KCNK12: variants seen among roughly 807,000 people sequenced by gnomAD.
KCNK12 encodes potassium channel subfamily K member 12.
Under a neutral mutation model 25.3 loss-of-function variants are expected in KCNK12, and 6 were observed. The ratio of observed to expected loss-of-function variants is 0.24; its 90% CI spans 0.13 to 0.47. The LOEUF (loss-of-function observed/expected upper bound fraction) is 0.47. KCNK12 is among the 20% of genes least tolerant of loss of function. KCNK12 has a pLI of 0.99. For synonymous variants in KCNK12, 331 were observed against 311.1 expected, an observed-to-expected ratio of 1.06 and a Z score of -0.67; for missense variants, 444 against 661.7, an observed-to-expected ratio of 0.67 and a Z score of 3.61.
intron 1 of KCNK12, among the ~76,000 whole-genome samples, chr2:47,537,753 TA>T (rs1669107880): frequency 6.6e-6 from 1 of 152,192 alleles, no homozygotes; most frequent in Non-Finnish European, 1.5e-5. Context: ...GTTAAGTTTA[TA>T]AATAAAAATG....
rs961800095 is a variant in KCNK12 at position 47,538,119 on chromosome 2, G to A, written c.392-16311C>T. On this transcript the variant is annotated intron_variant, in intron 1 of 1. Transcript: ENST00000327876. This position sits in a 1 kb window ranked among gnomAD's most constrained non-coding sequence, Gnocchi z 4.5. Reference sequence around the variant, plus strand: ...TTCATTCAACAAACATTTATTGAGGGCCTACTGTGGCCAGGAACTGTGCTA... The same window carrying A: ...TTCATTCAACAAACATTTATTGAGGACCTACTGTGGCCAGGAACTGTGCTA... 1.3e-5 allele frequency among the ~76,000 whole-genome samples: 2 copies of A among 152,162 alleles called. No homozygotes were observed. Among genetic ancestry groups the A allele is most frequent in the African/African-American group, 4.8e-5 (2 of 41,438 alleles).
At chr2:47,543,478 T>G (rs1338901375) in intron 1 of KCNK12, 4 of 152,074 alleles carry the variant, frequency 2.6e-5, no homozygotes, top group African/African-American at 9.7e-5. Context: ...GTCATAGAGG[T>G]AATGTCAGAA....
Position 47,557,634 on chromosome 2 carries a change from C to T in KCNK12, c.391+12307G>A, listed in dbSNP as rs771556354. On this transcript the variant is annotated intron_variant, in intron 1 of 1. Coordinates refer to ENST00000327876, the MANE Select transcript of KCNK12 (RefSeq NM_022055.2). This position sits in a 1 kb window ranked among gnomAD's most constrained non-coding sequence, Gnocchi z 4.9. ...GATACATGAATAATGCATACCTGCC[C>T]GGCTGAACAATGCACATCAAGGAGC... Among the ~76,000 whole-genome samples the T allele has an allele frequency of 5.3e-5, 8 of 152,076 alleles. No individual in the cohort carries two copies. The highest frequency in any genetic ancestry group is 7.4e-5 in the Non-Finnish European group (5 of 68,024).
chr2:47,570,480 TC>T lies in KCNK12; in HGVS notation c.-150del. The T allele has an allele frequency of 1.2e-6, 1 of 819,692 alleles. No individual in the cohort carries two copies. Among genetic ancestry groups the T allele is most frequent in the Non-Finnish European group, 1.6e-6 (1 of 626,968 alleles). 50.8% of individuals were successfully genotyped at this position (819,692 alleles called of 1,614,324 possible). ...GCCTTCGCAGAGCCCCTCGTCGCCT[TC>T]CCAGAGCCCGGACAGAGGGGCGCCT... On this transcript the variant is annotated 5_prime_UTR_variant, in exon 1 of 2. Coordinates refer to ENST00000327876, the MANE Select transcript of KCNK12 (RefSeq NM_022055.2).
intron 1 of KCNK12, among the ~76,000 whole-genome samples, chr2:47,539,700 G>C (rs1669151894): frequency 6.6e-6 from 1 of 152,194 alleles, no homozygotes; most frequent in Non-Finnish European, 1.5e-5. Context: ...AGGAAAGAAG[G>C]GGGCACCGCT....
chr2:47,538,961 AATTT>A lies in KCNK12; in HGVS notation c.392-17157_392-17154del, dbSNP rs745960462. On this transcript the variant is annotated intron_variant, in intron 1 of 1. Coordinates refer to ENST00000327876, the MANE Select transcript of KCNK12 (RefSeq NM_022055.2). The surrounding 1 kb of genome is among the most constrained non-coding windows in gnomAD (Gnocchi z 4.5). ...ATTTCAAGCAACAGCAGATATGCTG[AATTT>A]ATTTGATAACTGTCTTCTTTTTCTC... 2.6e-5 allele frequency among the ~76,000 whole-genome samples: 4 copies of A among 152,362 alleles called. No individual in the cohort carries two copies. The highest frequency in any genetic ancestry group is 4.1e-4 in the South Asian group (2 of 4,828).
rs928753587 is a variant in KCNK12 at position 47,514,754 on chromosome 2, G to C, written c.*6153C>G. Among the ~76,000 whole-genome samples, 1 of 152,042 alleles carries C rather than the reference G, an allele frequency of 6.6e-6. No homozygotes were observed. Among genetic ancestry groups the C allele is most frequent in the Non-Finnish European group, 1.5e-5 (1 of 68,006 alleles). ...GCCCCCTGAGTCTCTTGGACTCCAG[G>C]CGTGCACCACCATGACTGGCTAATT... On this transcript the variant is annotated 3_prime_UTR_variant, in exon 2 of 2. Transcript: ENST00000327876. The surrounding 1 kb of genome is among the most constrained non-coding windows in gnomAD (Gnocchi z 5.0).
At chr2:47,563,881 G>A (rs1271745158) in intron 1 of KCNK12, 11 of 232,510 alleles carry the variant, frequency 4.7e-5, no homozygotes, top group Admixed American at 2.3e-4. Flanking sequence ...TCAAGACTGA[G>A]TGGAAATATG....
rs1572615618 is a variant in KCNK12 at position 47,569,502 on chromosome 2, G to A, written c.391+439C>T. On this transcript the variant is annotated intron_variant, in intron 1 of 1. Coordinates refer to ENST00000327876, the MANE Select transcript of KCNK12 (RefSeq NM_022055.2). The surrounding 1 kb of genome is among the most constrained non-coding windows in gnomAD (Gnocchi z 4.1). ...CACTGAGGGAGAAAACAGGGTAAAA[G>A]AAGAAAGCGGGGGAGACTATGAAAA... Among the ~76,000 whole-genome samples the A allele has an allele frequency of 6.6e-6, 1 of 151,648 alleles. No homozygotes were observed. The highest frequency in any genetic ancestry group is 2.4e-5 in the African/African-American group (1 of 41,408).
rs985860702 is a variant in KCNK12 at position 47,519,253 on chromosome 2, A to G, written c.*1654T>C. ...GCCATGAACTAGAAGGGGAAAGAAG[A>G]GTTTGACATTCAAGTTTGACTCTAA... On this transcript the variant is annotated 3_prime_UTR_variant, in exon 2 of 2. Coordinates refer to ENST00000327876, the MANE Select transcript of KCNK12 (RefSeq NM_022055.2). 1.4e-4 allele frequency: 21 copies of G among 152,226 alleles called. No homozygotes were observed. Among genetic ancestry groups the G allele is most frequent in the Admixed American group, 2.6e-4 (4 of 15,290 alleles). 9.4% of individuals were successfully genotyped at this position (152,226 alleles called of 1,614,324 possible).
chr2:47,536,402 G>A (rs1669067875), intron 1 of KCNK12, among the ~76,000 whole-genome samples: 1 of 152,214 alleles, frequency 6.6e-6, no homozygotes, highest in Admixed American at 6.5e-5. Context: ...CCACCCTCCA[G>A]AATGCAGGTC....
rs978403895 is a variant in KCNK12, at chr2:47,516,732, A to C, written c.*4175T>G. The C allele has an allele frequency of 1.1e-4, 17 of 152,268 alleles. No individual in the cohort carries two copies. The highest frequency in any genetic ancestry group is 3.9e-4 in the African/African-American group (16 of 41,458). 9.4% of individuals were successfully genotyped at this position (152,268 alleles called of 1,614,324 possible). ...CCTGAGAGAACAGATAGCATAAAAA[A>C]TGATTTGTAAAGCAAGGGGGAGCTT... On this transcript the variant is annotated 3_prime_UTR_variant, in exon 2 of 2. Transcript: ENST00000327876.
At chr2:47,539,539 G>T (rs1396161958) in intron 1 of KCNK12, among the ~76,000 whole-genome samples, 1 of 152,094 alleles carries the variant, frequency 6.6e-6, no homozygotes, top group African/African-American at 2.4e-5. Context: ...GGCCACAAAC[G>T]CAGGAGAGGA....
rs1669700130 is a variant in KCNK12 at position 47,562,593 on chromosome 2, G to A, written c.391+7348C>T. ...GGGACCTAGAGTCCCCTGGTAGGTG[G>A]CTAGGGAATGGCAGGGTTTGGGGTA... is the stretch of plus-strand genomic sequence containing the variant. On this transcript the variant is annotated intron_variant, in intron 1 of 1. Transcript: ENST00000327876. The surrounding 1 kb of genome is among the most constrained non-coding windows in gnomAD (Gnocchi z 4.8). The A allele has an allele frequency of 4.3e-6, 1 of 233,678 alleles. No homozygotes were observed. The highest frequency in any genetic ancestry group is 2.2e-5 in the African/African-American group (1 of 45,378). The allele number at this position is 233,678 out of a possible 1,614,324, so 14.5% of individuals were successfully genotyped here. A position where few individuals can be genotyped will look rare whatever the true frequency, so the allele number is the denominator to read the frequency against.
intron 1 of KCNK12, among the ~76,000 whole-genome samples, chr2:47,550,539 T>C (rs911545026): frequency 6.6e-6 from 1 of 151,834 alleles, no homozygotes; most frequent in Non-Finnish European, 1.5e-5. Context: ...TGTCCCACCA[T>C]GCCCGGCTAA....
Position 47,570,245 on chromosome 2 carries a change from A to ACGG in KCNK12, c.84_86dup (p.Arg29dup). 1 of 1,457,206 alleles carries ACGG rather than the reference A, an allele frequency of 6.9e-7. No homozygotes were observed. Among genetic ancestry groups the ACGG allele is most frequent in the Non-Finnish European group, 9.1e-7 (1 of 1,104,890 alleles). 90.3% of individuals were successfully genotyped at this position (1,457,206 alleles called of 1,614,324 possible). Reference sequence around the variant, plus strand: ...GGCCGGTGTCCTCGTTGAGGTGCGAACGGCGGCAGCAGCAGCAGCAGCAGG... The same window carrying ACGG: ...GGCCGGTGTCCTCGTTGAGGTGCGAACGGCGGCGGCAGCAGCAGCAGCAGCAGG... On this transcript the variant is annotated inframe_insertion, in exon 1 of 2. Coordinates refer to ENST00000327876, the MANE Select transcript of KCNK12 (RefSeq NM_022055.2).
chr2:47,543,648 G>A (rs1669249812), intron 1 of KCNK12: 1 of 152,278 alleles, frequency 6.6e-6, no homozygotes, highest in African/African-American at 2.4e-5. Flanking sequence ...GTGCTCTGCT[G>A]GCTCTTTGGC....
intron 1 of KCNK12, among the ~76,000 whole-genome samples, chr2:47,544,666 T>C (rs571729024): frequency 1.3e-5 from 2 of 152,356 alleles, no homozygotes; most frequent in African/African-American, 4.8e-5. Flanking sequence ...TACCACATGG[T>C]GTAACCCACC....
intron 1 of KCNK12, among the ~76,000 whole-genome samples, chr2:47,559,459 C>T (rs1448517308): frequency 1.3e-5 from 2 of 152,222 alleles, no homozygotes; most frequent in Non-Finnish European, 2.9e-5. Context: ...TCATTCCATC[C>T]ACTCAACATA....
Sources: allele counts gnomAD v4.1 joint callset (sites outside exome capture counted in the v4.1 genomes callset), GRCh38; gene constraint gnomAD v4.1.1; non-coding constraint Gnocchi (gnomAD v3.1); transcripts MANE v1.5; gene names NCBI Gene and HGNC (gene_info 2026-07-23, HGNC 2026-07-21).